Variants in NBAS observed in about 807,000 individuals in gnomAD.
NBAS encodes NAG/BC035112 fusion.
NBAS carries 219 observed loss-of-function variants against 302.5 expected under a neutral mutation model. The ratio of observed to expected loss-of-function variants is 0.72; its 90% CI spans 0.65 to 0.81. The LOEUF (loss-of-function observed/expected upper bound fraction) is 0.81. Ranked by LOEUF, NBAS falls within the 30% of genes least tolerant of loss-of-function variation. The pLI is 0.00. For synonymous variants in NBAS, 1,118 were observed against 1,021.6 expected (o/e 1.09, Z -1.80); for missense variants, 2,932 against 2,841.6 (o/e 1.03, Z -0.72).
the NBAS span, among the ~76,000 whole-genome samples, chr2:15,113,320 CGTGTGTGTGTGTGTGTGT>C: frequency 7.7e-6 from 1 of 129,870 alleles, no homozygotes; most frequent in Non-Finnish European, 1.6e-5. Flanking sequence ...GGTATGAACT[CGTGTGTGTGTGTGTGTGT>C]GTGTGTGTGT....
At chr2:14,813,583 C>T in the NBAS span, among the ~76,000 whole-genome samples, 1 of 152,092 alleles carries the variant, frequency 6.6e-6, no homozygotes, top group South Asian at 2.1e-4. Context: ...TTGCTGCTTC[C>T]AACAGTGTAT....
chr2:15,259,706 A>C (rs1668763797), intron 44 of NBAS, among the ~76,000 whole-genome samples: 1 of 152,178 alleles, frequency 6.6e-6, no homozygotes, highest in Admixed American at 6.5e-5. Flanking sequence ...CTGCTGTCAT[A>C]AAGACATGAG....
chr2:15,060,116 C>T, the NBAS span, among the ~76,000 whole-genome samples: 1 of 152,116 alleles, frequency 6.6e-6, no homozygotes, highest in Non-Finnish European at 1.5e-5. Flanking sequence ...TGTTACTAGG[C>T]CTCTGCTCAG....
chr2:14,950,099 T>G, the NBAS span, among the ~76,000 whole-genome samples: 1 of 152,220 alleles, frequency 6.6e-6, no homozygotes. Flanking sequence ...TGTGAGATCC[T>G]GGTGCACCTA....
intron 42 of NBAS, among the ~76,000 whole-genome samples, chr2:15,277,894 T>C (rs1669657347): frequency 1.3e-5 from 2 of 152,174 alleles, no homozygotes; most frequent in South Asian, 4.2e-4. Flanking sequence ...GCCTGTGGTC[T>C]AGTGTAATCT....
the NBAS span, among the ~76,000 whole-genome samples, chr2:14,838,400 G>A: frequency 6.6e-6 from 1 of 151,698 alleles, no homozygotes; most frequent in Non-Finnish European, 1.5e-5. Flanking sequence ...GCTTGTATTT[G>A]GTTTTCTTTC....
the NBAS span, among the ~76,000 whole-genome samples, chr2:15,068,967 C>T: frequency 2.4e-4 from 36 of 152,266 alleles, 1 homozygote; most frequent in East Asian, 6.8e-3. Flanking sequence ...CGAGGCAGCG[C>T]AGGGCCTCAC....
chr2:14,966,091 G>A, the NBAS span, among the ~76,000 whole-genome samples: 9 of 152,140 alleles, frequency 5.9e-5, 1 homozygote, highest in Admixed American at 2.0e-4. Flanking sequence ...GAACACCAAG[G>A]GTTGCTGGCA....
At chr2:15,509,790 A>C (rs1430500205) in intron 10 of NBAS, among the ~76,000 whole-genome samples, 1 of 152,156 alleles carries the variant, frequency 6.6e-6, no homozygotes, top group African/African-American at 2.4e-5. Context: ...TCACTGAAAA[A>C]ATATTTGAGT....
chr2:15,537,120 G>C (rs1387080665), intron 7 of NBAS, among the ~76,000 whole-genome samples: 2 of 152,202 alleles, frequency 1.3e-5, no homozygotes, highest in African/African-American at 4.8e-5. Context: ...CCATGAAGGG[G>C]ATTCGAATAT....
chr2:15,379,776 C>G lies in NBAS; in HGVS notation c.3416G>C (p.Gly1139Ala). The change falls in exon 30 of 52, where the codon GGA becomes GCA. Residue 1139 changes from glycine (G) to alanine (A), a missense_variant. Coordinates refer to ENST00000281513, the MANE Select transcript of NBAS (RefSeq NM_015909.4). The stretch of plus-strand genomic sequence containing the variant: ...ACAAGCACTGCAGTGCATCATCTGT[C>G]CAGCCAGGTGGATGTTTTCAAGGCG... ...SSRLENIHLA[G>A]QMMHCSACSE... 6.2e-7 allele frequency: 1 copy of G among 1,614,024 alleles called. No homozygotes were observed. The highest frequency in any genetic ancestry group is 1.1e-5 in the South Asian group (1 of 91,076).
At chr2:14,847,485 T>C in the NBAS span, among the ~76,000 whole-genome samples, 5 of 146,018 alleles carry the variant, frequency 3.4e-5, no homozygotes, top group East Asian at 2.0e-4. Context: ...GAAGTGCCTA[T>C]ACTTATGTCA....
chr2:15,263,861 G>C (rs887101307), intron 44 of NBAS, among the ~76,000 whole-genome samples: 1 of 152,170 alleles, frequency 6.6e-6, no homozygotes, highest in African/African-American at 2.4e-5. Flanking sequence ...TGGCTGTCAA[G>C]TCGACATCCT....
chr2:14,778,914 A>G, the NBAS span, among the ~76,000 whole-genome samples: 1,216 of 152,310 alleles, frequency 8.0e-3, 8 homozygotes, highest in Non-Finnish European at 0.012. Context: ...CCTAATTTGT[A>G]CAGTGCTTTT....
chr2:14,927,530 A>G, the NBAS span, among the ~76,000 whole-genome samples: 175 of 152,290 alleles, frequency 1.1e-3, no homozygotes, highest in Non-Finnish European at 6.0e-4. Flanking sequence ...ATGGGTATAT[A>G]GATATCTGTT....
chr2:15,384,617 C>T (rs1019360), intron 28 of NBAS, among the ~76,000 whole-genome samples: 94,119 of 150,930 alleles, frequency 0.62, 29,965 homozygotes, highest in Middle Eastern at 0.69. Context: ...TTTTAAGTCA[C>T]GTATATGATT....
chr2:14,898,099 G>A, the NBAS span, among the ~76,000 whole-genome samples: 40 of 152,262 alleles, frequency 2.6e-4, no homozygotes, highest in African/African-American at 8.4e-4. Flanking sequence ...TACAGACTCC[G>A]CTAACTTGGA....
intron 21 of NBAS, among the ~76,000 whole-genome samples, chr2:15,446,530 G>C (rs375541264): frequency 6.6e-6 from 1 of 152,064 alleles, no homozygotes; most frequent in African/African-American, 2.4e-5. Context: ...GCACTGCAAG[G>C]CATGCTAAAG....
chr2:15,314,946 G>C (rs1031468955), intron 38 of NBAS, among the ~76,000 whole-genome samples: 15 of 152,234 alleles, frequency 9.9e-5, no homozygotes, highest in Non-Finnish European at 2.1e-4. Context: ...ATGAATTCTA[G>C]AACAATCAAA....
Sources: gnomAD v4.1 joint callset for allele counts (sites outside exome capture counted in the v4.1 genomes callset) on GRCh38, gnomAD v4.1.1 for gene constraint, MANE v1.5 for transcripts, NCBI Gene and HGNC (gene_info 2026-07-23, HGNC 2026-07-21) for gene names.